The following PAX6 variants were observed in gnomAD, a reference collection of about 807,000 sequenced individuals.
PAX6 encodes paired box 6.
In PAX6, 7 loss-of-function variants were observed where a neutral mutation model predicts 60.7. That is an observed-to-expected ratio of 0.12 (90% CI 0.07 to 0.22). The LOEUF is 0.22. PAX6 is among the 10% of genes least tolerant of loss of function. The pLI, the probability that PAX6 is intolerant of heterozygous loss-of-function variation, is 1.00. For missense variants in PAX6, 355 were observed against 555.2 expected, an observed-to-expected ratio of 0.64 and a Z score of 3.62; for synonymous variants, 208 against 201.2, an observed-to-expected ratio of 1.03 and a Z score of -0.29.
intron 13 of PAX6, 119 bp downstream of exon 13, chr11:31,790,591 A>G: frequency 1.9e-6 from 3 of 1,549,266 alleles, no homozygotes; most frequent in Non-Finnish European, 2.7e-6. Context: ...CCCATCCCCC[A>G]GGGACAAGGA....
In PAX6 at chr11:31,789,706, A is replaced by T; in HGVS notation, c.*228T>A. ...TACACCAAAATGAATAAAAGTTTGG[A>T]TACCAAAATGAAGATTTGTTCCAAC... is the stretch of plus-strand genomic sequence containing the variant. On this transcript the variant is annotated 3_prime_UTR_variant, in exon 14 of 14. Coordinates refer to ENST00000640368, the MANE Select transcript of PAX6 (RefSeq NM_001368894.2). 1.4e-6 allele frequency: 1 copy of T among 703,362 alleles called. No individual in the cohort carries two copies. The highest frequency in any genetic ancestry group is 1.5e-5 in the South Asian group (1 of 67,252). 43.6% of individuals were successfully genotyped at this position (703,362 alleles called of 1,614,324 possible).
chr11:31,802,770 G>C lies in PAX6; in HGVS notation c.75C>G (p.Thr25=). 1 of 1,614,104 alleles carries C rather than the reference G, an allele frequency of 6.2e-7. No homozygotes were observed. Among genetic ancestry groups the C allele is most frequent in the Admixed American group, 1.7e-5 (1 of 60,014 alleles). The change falls in exon 5 of 14, where the codon ACC becomes ACG. Residue 25 remains threonine, a synonymous_variant. Coordinates refer to ENST00000640368, the MANE Select transcript of PAX6 (RefSeq NM_001368894.2). ...GAGCTAGCTCTACAATCTTCTGCCG[G>C]GTGGAGTCCGGCAGTGGCCGCCCGT... ...FVNGRPLPDS[T]RQKIVELAHS...
chr11:31,816,401 C>A (rs1540318), intron 1 of PAX6: 1 of 614,770 alleles, frequency 1.6e-6, no homozygotes, highest in Non-Finnish European at 2.9e-6. Context: ...GTCCTCGGCT[C>A]GCCCTGGGCG....
At chr11:31,815,380 C>T (rs555778263), upstream of PAX6, among the ~76,000 whole-genome samples, 2 of 152,330 alleles carry the variant, frequency 1.3e-5, no homozygotes, top group South Asian at 4.1e-4. Flanking sequence ...GTCAAGGCCA[C>T]CTCAGTCCCT....
At chr11:31,804,276 A>G (rs1955040266) in intron 4 of PAX6, 1 of 152,252 alleles carries the variant, frequency 6.6e-6, no homozygotes, top group Non-Finnish European at 1.5e-5. Context: ...TCACTTTGTG[A>G]CAGTGCTCCG....
intron 9 of PAX6, 61 bp from the exon 10 acceptor site, chr11:31,794,175 CTG>C (rs2134618090): frequency 1.8e-6 from 2 of 1,136,542 alleles, no homozygotes; most frequent in African/African-American, 1.5e-5. Context: ...GTTGACCAAA[CTG>C]TGCATCAAAC....
chr11:31,802,707 C>A lies in PAX6; in HGVS notation c.138G>T (p.Leu46=), dbSNP rs777885823. ...GGGGCGGCGCCGGGAGGATCACCTG[C>A]AGAATTCGGGAAATGTCGCACGGCC... is the stretch of plus-strand genomic sequence containing the variant. ...GARPCDISRI[L]QTHADAKVQV... Residue 46 remains leucine, a synonymous_variant, in exon 5 of 14, where the codon CTG becomes CTT. Coordinates refer to ENST00000640368, the MANE Select transcript of PAX6 (RefSeq NM_001368894.2). The A allele has an allele frequency of 1.2e-6, 2 of 1,611,908 alleles. No individual in the cohort carries two copies. The highest frequency in any genetic ancestry group is 1.1e-5 in the South Asian group (1 of 90,878).
chr11:31,806,373 G>T (rs1955809009), intron 4 of PAX6, 29 bp downstream of exon 4: 3 of 1,603,942 alleles, frequency 1.9e-6, no homozygotes, highest in Non-Finnish European at 2.6e-6. Flanking sequence ...CCCCGAGCCC[G>T]AAGTCCCAGA....
intron 2 of PAX6, chr11:31,809,662 C>T (rs1956632736): frequency 1.3e-5 from 2 of 152,182 alleles, no homozygotes; most frequent in African/African-American, 2.4e-5. Context: ...CACTTTTCCT[C>T]CTGGGATCTT....
intron 1 of PAX6, among the ~76,000 whole-genome samples, chr11:31,817,230 C>T (rs1460300340): frequency 6.6e-6 from 1 of 152,270 alleles, no homozygotes; most frequent in Non-Finnish European, 1.5e-5. Context: ...TACGCGCTGC[C>T]CAGCTCTGTC....
Position 31,802,710 on chromosome 11 carries a change from A to C in PAX6, c.135T>G (p.Ile45Met). 2 of 1,612,404 alleles carry C rather than the reference A, an allele frequency of 1.2e-6. No homozygotes were observed. The highest frequency in any genetic ancestry group is 1.7e-6 in the Non-Finnish European group (2 of 1,178,982). ...SGARPCDISR[I>M]LQTHADAKVQ... ...GCGGCGCCGGGAGGATCACCTGCAG[A>C]ATTCGGGAAATGTCGCACGGCCGGG... Residue 45 changes from isoleucine (I) to methionine (M), a missense_variant, in exon 5 of 14, where the codon ATT (isoleucine) becomes ATG (methionine). By Grantham distance (10) the Ile-to-Met change is conservative (BLOSUM62 1). Around this residue, in one of 5 missense-constraint regions of PAX6, gnomAD observed 41 missense variants for 77.1 expected, o/e 0.53. Transcript: ENST00000640368.
chr11:31,801,651 C>T lies in PAX6; in HGVS notation c.309G>A (p.Gln103=). 6.2e-7 allele frequency: 1 copy of T among 1,614,188 alleles called. No homozygotes were observed. Among genetic ancestry groups the T allele is most frequent in the Non-Finnish European group, 8.5e-7 (1 of 1,180,040 alleles). Residue 103 remains glutamine (Q), a synonymous_variant, in exon 7 of 14, where the codon CAG becomes CAA. Coordinates refer to ENST00000640368, the MANE Select transcript of PAX6 (RefSeq NM_001368894.2). ...AGATGGACGGGCACTCCCGCTTATA[C>T]TGGGCTATTTTGCTTACAACTTCTG... is the stretch of plus-strand genomic sequence containing the variant. ...ATPEVVSKIA[Q]YKRECPSIFA...
In PAX6 at chr11:31,789,910, T is replaced by C; in HGVS notation, c.*24A>G. On this transcript the variant is annotated 3_prime_UTR_variant, in exon 14 of 14. Transcript: ENST00000640368. ...GACTGAATTAACACAATATTTCCTT[T>C]CCTTTTTTTTTTTTTTTTTTTTTTT... 2.0e-6 allele frequency: 3 copies of C among 1,489,366 alleles called. No individual in the cohort carries two copies. Among genetic ancestry groups the C allele is most frequent in the South Asian group, 1.2e-5 (1 of 83,020 alleles). 92.3% of individuals were successfully genotyped at this position (1,489,366 alleles called of 1,614,324 possible).
rs764134540 is a variant in PAX6, at chr11:31,790,771, G to A, written c.1164C>T (p.Pro388=). ...TGTTCATGTGTGTCTGCATATGTGG[G>A]GGGGTGTAGGTATCATAACTCCGCC... ...VNGRSYDTYT[P]PHMQTHMNSQ... The change falls in exon 13 of 14, where the codon CCC becomes CCT. Residue 388 remains proline (P), a synonymous_variant. Transcript: ENST00000640368. 5.6e-6 allele frequency: 9 copies of A among 1,614,022 alleles called. No homozygotes were observed. The highest frequency in any genetic ancestry group is 3.3e-5 in the Admixed American group (2 of 60,002).
chr11:31,793,839 C>T lies in PAX6; in HGVS notation c.808-37G>A, dbSNP rs375253170. On this transcript the variant is annotated intron_variant, in intron 10 of 13. Transcript: ENST00000640368. The stretch of plus-strand genomic sequence containing the variant: ...GTGGGACAGGTTAGCACTGTGTCTA[C>T]GTCGAGCCCAGCCCCACCTTGGCAC... The T allele has an allele frequency of 9.5e-5, 154 of 1,613,764 alleles. No homozygotes were observed. In the African/African-American group the frequency reaches 1.3e-3, roughly 14 times the overall value.
At chr11:31,816,480 C>A (rs1957380066) in intron 1 of PAX6, 4 of 692,878 alleles carry the variant, frequency 5.8e-6, no homozygotes, top group Non-Finnish European at 2.6e-6. Context: ...CGAATAAACA[C>A]GATCTCCAAT....
In PAX6 at chr11:31,789,700, GT is replaced by G. The variant is rs1456640396; in HGVS notation, c.*233del. On this transcript the variant is annotated 3_prime_UTR_variant, in exon 14 of 14. Coordinates refer to ENST00000640368, the MANE Select transcript of PAX6 (RefSeq NM_001368894.2). Reference sequence around the variant, plus strand: ...AAATAATACACCAAAATGAATAAAAGTTTGGATACCAAAATGAAGATTTGTT... The same window carrying G: ...AAATAATACACCAAAATGAATAAAAGTTGGATACCAAAATGAAGATTTGTT... 1 of 702,288 alleles carries G rather than the reference GT, an allele frequency of 1.4e-6. No homozygotes were observed. The highest frequency in any genetic ancestry group is 2.6e-6 in the Non-Finnish European group (1 of 384,912). 43.5% of individuals were successfully genotyped at this position (702,288 alleles called of 1,614,324 possible).
chr11:31,798,393 C>T (rs1952357024), intron 8 of PAX6, among the ~76,000 whole-genome samples: 1 of 117,860 alleles, frequency 8.5e-6, no homozygotes, highest in Non-Finnish European at 1.8e-5. Flanking sequence ...TGAGACCTAA[C>T]CCCCGCCTTA....
chr11:31,793,724 G>T lies in PAX6; in HGVS notation c.886C>A (p.Pro296Thr). Residue 296 changes from proline (P) to threonine (T), a missense_variant, in exon 11 of 14, where the codon CCT becomes ACT. This residue lies in a region of PAX6 where 149 missense variants were observed against 191.9 expected (regional missense o/e 0.78). Transcript: ENST00000640368. ...RNQRRQASNT[P>T]SHIPISSSFS... ...CTACTGCTGATAGGAATATGACTAG[G>T]TGTGTTGCTGGCCTGTCTTCTCTGA... The T allele has an allele frequency of 1.9e-6, 3 of 1,614,020 alleles. No homozygotes were observed. The highest frequency in any genetic ancestry group is 1.1e-5 in the South Asian group (1 of 91,070).
Sources: gnomAD v4.1 joint callset for allele counts (sites outside exome capture counted in the v4.1 genomes callset) on GRCh38, gnomAD v4.1.1 for gene constraint, gnomAD v4.1.1 regional missense constraint, MANE v1.5 for transcripts, NCBI Gene and HGNC (gene_info 2026-07-23, HGNC 2026-07-21) for gene names.